ZNF74: variants seen among roughly 807,000 people sequenced by gnomAD.
The protein encoded by ZNF74 is zinc finger protein 74.
A neutral mutation model predicts 17.7 loss-of-function variants in ZNF74; 12 were observed. The observed-to-expected ratio is 0.68, with a 90% CI of 0.43 to 1.10. The LOEUF is 1.10. ZNF74 is among the 50% of genes least tolerant of loss of function. The pLI is 0.00. For missense variants in ZNF74, 811 were observed against 881.0 expected (o/e 0.92, Z 1.01); for synonymous variants, 358 against 362.1 (o/e 0.99, Z 0.13).
At position 20,407,169 on chromosome 22, in the gene ZNF74, A is replaced by C. The variant is rs2052442099; in HGVS notation, c.*201A>C. 1.4e-6 allele frequency: 1 copy of C among 721,222 alleles called. No homozygotes were observed. Among genetic ancestry groups the C allele is most frequent in the Non-Finnish European group, 2.2e-6 (1 of 460,236 alleles). 44.7% of individuals were successfully genotyped at this position (721,222 alleles called of 1,614,324 possible). ...CCCAGAAGGGCCACACTCCAGGAGG[A>C]GTGTTGAGAGTCATTTGAGGTAGTC... is the stretch of plus-strand genomic sequence containing the variant. On this transcript the variant is annotated 3_prime_UTR_variant, in exon 5 of 5. Coordinates refer to ENST00000400451, the MANE Select transcript of ZNF74 (RefSeq NM_003426.4).
rs955990992 is a variant in ZNF74, at chr22:20,394,389, A to C, written c.-240A>C. 3 of 670,120 alleles carry C rather than the reference A, an allele frequency of 4.5e-6. No individual in the cohort carries two copies. The highest frequency in any genetic ancestry group is 8.2e-6 in the Non-Finnish European group (3 of 366,412). The allele number at this position is 670,120 out of a possible 1,614,324, so 41.5% of individuals were successfully genotyped here. On this transcript the variant is annotated 5_prime_UTR_variant, in exon 1 of 5. It removes an upstream start codon present in the reference 5' UTR. Transcript: ENST00000400451. ...GTGCCGGGGCGTGAGTGCGCCGAGC[A>C]TGGGGCTGAGCCTGGTGTGGGGAGT... is the stretch of plus-strand genomic sequence containing the variant.
At chr22:20,403,133 A>G (rs2052377636) in intron 4 of ZNF74, among the ~76,000 whole-genome samples, 2 of 151,988 alleles carry the variant, frequency 1.3e-5, no homozygotes, top group Non-Finnish European at 2.9e-5. Context: ...TGTTGGCCCT[A>G]TTGCTGCCAA....
intron 2 of ZNF74, among the ~76,000 whole-genome samples, chr22:20,396,891 GAC>G (rs1327858643): frequency 2.0e-5 from 3 of 152,040 alleles, no homozygotes; most frequent in African/African-American, 7.2e-5. Flanking sequence ...GCAGAATGAT[GAC>G]ACATTAGACA....
chr22:20,396,048 C>T (rs925752073), intron 2 of ZNF74, among the ~76,000 whole-genome samples: 1 of 152,076 alleles, frequency 6.6e-6, no homozygotes, highest in Non-Finnish European at 1.5e-5. Flanking sequence ...GAACTCTGTT[C>T]CTCATTTTGT....
At position 20,406,540 on chromosome 22, in the gene ZNF74, A is replaced by G. The variant is rs2052431815; in HGVS notation, c.1507A>G (p.Ser503Gly). 6.2e-7 allele frequency: 1 copy of G among 1,613,098 alleles called. No individual in the cohort carries two copies. Among genetic ancestry groups the G allele is most frequent in the East Asian group, 2.2e-5 (1 of 44,752 alleles). The change falls in exon 5 of 5, where the codon AGC becomes GGC. Residue 503 changes from serine (S) to glycine (G), a missense_variant. Ser to Gly is a moderately conservative substitution (Grantham distance 56, BLOSUM62 0). This residue lies in a region of ZNF74 where 666 missense variants were observed against 702.3 expected (regional missense o/e 0.95). Coordinates refer to ENST00000400451, the MANE Select transcript of ZNF74 (RefSeq NM_003426.4). The part of the protein sequence containing the change: ...IHTGEKPFDC[S>G]QCWKAFSCHS... ...CACAGGCGAGAAGCCCTTCGACTGC[A>G]GCCAGTGTTGGAAGGCCTTCAGCTG...
intron 1 of ZNF74, chr22:20,395,041 T>C (rs1008061666): frequency 4.0e-5 from 18 of 453,278 alleles, no homozygotes; most frequent in Admixed American, 1.2e-4. Flanking sequence ...GCGTGAGCCA[T>C]CGCTCCTGGC....
chr22:20,405,153 C>T (rs554888685), intron 4 of ZNF74, among the ~76,000 whole-genome samples: 14 of 152,310 alleles, frequency 9.2e-5, no homozygotes, highest in African/African-American at 3.1e-4. Flanking sequence ...CCGGTCTTTG[C>T]TCTCTGGTAG....
At chr22:20,394,715 T>C in intron 1 of ZNF74, 53 bp downstream of exon 1, 1 of 1,583,906 alleles carries the variant, frequency 6.3e-7, no homozygotes, top group Non-Finnish European at 8.7e-7. Flanking sequence ...CTTGAGGATA[T>C]TGACACTCAG....
rs555270649 is a variant in ZNF74 at position 20,394,326 on chromosome 22, C to A, written c.-303C>A. ...GAACCTTAGGCCTGGCCCTGGTCTC[C>A]GAGCGCGGGTTCGCCGGGAGGAGCG... On this transcript the variant is annotated 5_prime_UTR_variant, in exon 1 of 5. Transcript: ENST00000400451. 2.6e-5 allele frequency: 18 copies of A among 697,364 alleles called. No individual in the cohort carries two copies. Among genetic ancestry groups the A allele is most frequent in the East Asian group, 1.9e-4 (7 of 36,616 alleles). The allele number at this position is 697,364 out of a possible 1,614,324, so 43.2% of individuals were successfully genotyped here. A position where few individuals can be genotyped will look rare whatever the true frequency, so the allele number is the denominator to read the frequency against.
Position 20,406,873 on chromosome 22 carries a change from G to T in ZNF74, c.1840G>T (p.Asp614Tyr), listed in dbSNP as rs1336390287. 6.2e-7 allele frequency: 1 copy of T among 1,614,098 alleles called. No individual in the cohort carries two copies. ...GAGDAGLRDV[D>Y]PIDALDVAKL... The stretch of plus-strand genomic sequence containing the variant: ...AGGGGATGCTGGACTGAGGGACGTG[G>T]ATCCCATCGACGCGCTGGATGTGGC... Residue 614 changes from aspartate (D) to tyrosine (Y), a missense_variant, in exon 5 of 5, where the codon GAT (aspartate) becomes TAT (tyrosine). Asp to Tyr is a radical substitution (Grantham distance 160). Transcript: ENST00000400451.
rs2052415393 is a variant in ZNF74 at position 20,405,883 on chromosome 22, GC to G, written c.852del (p.Phe285SerfsTer326). ...KAYKCDECGK[A>X]FTWSTNLLEH... ...TTACAAGTGCGATGAATGCGGCAAGGCCTTCACCTGGAGCACCAACCTTCTG... is the reference window on the plus strand; with the variant it reads ...TTACAAGTGCGATGAATGCGGCAAGGCTTCACCTGGAGCACCAACCTTCTG... On this transcript the variant is annotated frameshift_variant, in exon 5 of 5. Transcript: ENST00000400451. LOFTEE classifies it low-confidence loss of function (END_TRUNC). 6.2e-7 allele frequency: 1 copy of G among 1,613,850 alleles called. No individual in the cohort carries two copies. The highest frequency in any genetic ancestry group is 8.5e-7 in the Non-Finnish European group (1 of 1,179,940).
Position 20,405,677 on chromosome 22 carries a change from C to T in ZNF74, c.644C>T (p.Ala215Val), listed in dbSNP as rs200970807. The change falls in exon 5 of 5, where the codon GCG (alanine) becomes GTG (valine). Residue 215 changes from alanine to valine, a missense_variant. Physicochemically the swap from Ala to Val is moderately conservative, Grantham distance 64. This residue lies in a region of ZNF74 where 666 missense variants were observed against 702.3 expected (regional missense o/e 0.95). Coordinates refer to ENST00000400451, the MANE Select transcript of ZNF74 (RefSeq NM_003426.4). ...ACTGAGGGCAGAACCAAGGCCCCCG[C>T]GAGACTGTGTGCAGGGGAAAACGCC... The part of the protein sequence containing the change: ...QATEGRTKAP[A>V]RLCAGENAST... 5.0e-4 allele frequency: 801 copies of T among 1,610,046 alleles called. 2 individuals are homozygous for T. The highest frequency in any genetic ancestry group is 4.2e-4 in the Non-Finnish European group (489 of 1,178,254).
rs764330941 is a variant in ZNF74, at chr22:20,395,415, C to A, written c.117C>A (p.Ser39=). Residue 39 remains serine (S), a synonymous_variant, in exon 2 of 5, where the codon TCC becomes TCA. Coordinates refer to ENST00000400451, the MANE Select transcript of ZNF74 (RefSeq NM_003426.4). ...ISGWGLPEAR[S]KESVSFKDVA... The stretch of plus-strand genomic sequence containing the variant: ...GTTGGGGTCTTCCCGAAGCCAGGTC[C>A]AAGGTGAGTGGCTGTGTGTTCTTCC... The A allele has an allele frequency of 1.2e-6, 2 of 1,601,270 alleles. No individual in the cohort carries two copies. Among genetic ancestry groups the A allele is most frequent in the African/African-American group, 2.7e-5 (2 of 74,686 alleles).
chr22:20,403,382 G>A (rs900858485), intron 4 of ZNF74, among the ~76,000 whole-genome samples: 9 of 151,122 alleles, frequency 6.0e-5, no homozygotes, highest in Non-Finnish European at 1.0e-4. Flanking sequence ...GTTTGCTGAG[G>A]TCTCATCCTC....
intron 4 of ZNF74, among the ~76,000 whole-genome samples, chr22:20,403,131 C>G (rs1185706027): frequency 6.6e-6 from 1 of 152,088 alleles, no homozygotes; most frequent in Non-Finnish European, 1.5e-5. Flanking sequence ...GTTGTTGGCC[C>G]TATTGCTGCC....
Position 20,407,872 on chromosome 22 carries a change from A to C in ZNF74, c.*904A>C, listed in dbSNP as rs2052450259. The stretch of plus-strand genomic sequence containing the variant: ...CACGGCCCAGCATCATTGTAGCCAG[A>C]TCCTAACATGCCAACATCACCTCTT... On this transcript the variant is annotated 3_prime_UTR_variant, in exon 5 of 5. Coordinates refer to ENST00000400451, the MANE Select transcript of ZNF74 (RefSeq NM_003426.4). 6.6e-6 allele frequency: 1 copy of C among 152,218 alleles called. No homozygotes were observed. The highest frequency in any genetic ancestry group is 1.5e-5 in the Non-Finnish European group (1 of 68,040). 9.4% of individuals were successfully genotyped at this position (152,218 alleles called of 1,614,324 possible).
Position 20,407,165 on chromosome 22 carries a change from G to A in ZNF74, c.*197G>A. ...CCTCCCCAGAAGGGCCACACTCCAG[G>A]AGGAGTGTTGAGAGTCATTTGAGGT... On this transcript the variant is annotated 3_prime_UTR_variant, in exon 5 of 5. Transcript: ENST00000400451. The A allele has an allele frequency of 1.3e-6, 1 of 754,126 alleles. No individual in the cohort carries two copies. The highest frequency in any genetic ancestry group is 2.1e-6 in the Non-Finnish European group (1 of 484,536). 46.7% of individuals were successfully genotyped at this position (754,126 alleles called of 1,614,324 possible).
chr22:20,396,533 A>G (rs1388702884), intron 2 of ZNF74, among the ~76,000 whole-genome samples: 2 of 152,058 alleles, frequency 1.3e-5, no homozygotes, highest in East Asian at 3.9e-4. Context: ...GTGAGACATC[A>G]TGATGTCTGC....
In ZNF74 at chr22:20,402,080, T is replaced by C. The variant is rs573583125; in HGVS notation, c.343+708T>C. 2.0e-5 allele frequency among the ~76,000 whole-genome samples: 3 copies of C among 152,346 alleles called. No homozygotes were observed. The East Asian group carries it at 5.8e-4, about 29-fold the overall frequency. On this transcript the variant is annotated intron_variant, in intron 4 of 4. Transcript: ENST00000400451. ...TTGATAAATAAGTGGTAAATTCGGC[T>C]TAATTTATTGGACAGTGACTGCTGA...
Sources: gnomAD v4.1 joint callset for allele counts (sites outside exome capture counted in the v4.1 genomes callset) on GRCh38, gnomAD v4.1.1 for gene constraint, gnomAD v4.1.1 regional missense constraint, MANE v1.5 for transcripts, NCBI Gene and HGNC (gene_info 2026-07-23, HGNC 2026-07-21) for gene names.